Variants in SUPT3H observed in about 807,000 individuals in gnomAD.
The protein encoded by SUPT3H is SPT3 homolog, SAGA and STAGA complex component.
In SUPT3H, 44 loss-of-function variants were observed where a neutral mutation model predicts 44.3. That is an observed-to-expected ratio of 0.99 (90% CI 0.78 to 1.28). The LOEUF is 1.28. SUPT3H is among the 50% of genes most tolerant of loss of function. The pLI is 0.00. For synonymous variants in SUPT3H, 124 were observed against 125.6 expected (o/e 0.99, Z 0.09); for missense variants, 380 against 387.1 (o/e 0.98, Z 0.15).
chr6:45,028,766 T>C (rs895033219), intron 3 of SUPT3H, among the ~76,000 whole-genome samples: 3 of 151,932 alleles, frequency 2.0e-5, no homozygotes. Context: ...GTTTCTCTCC[T>C]AGATTTCTTA....
At chr6:45,158,199 T>TAGAG (rs1311755420) in intron 2 of SUPT3H, among the ~76,000 whole-genome samples, 6 of 101,660 alleles carry the variant, frequency 5.9e-5, no homozygotes, top group Non-Finnish European at 9.9e-5. Context: ...GTAGAAACCA[T>TAGAG]AGAGATAGAT....
At chr6:44,961,978 C>T in intron 6 of SUPT3H, 150 bp from the exon 7 acceptor site, 1 of 518,400 alleles carries the variant, frequency 1.9e-6, no homozygotes, top group Non-Finnish European at 3.4e-6. Context: ...TACATAAAAT[C>T]ACAATAACTA....
intron 2 of SUPT3H, among the ~76,000 whole-genome samples, chr6:45,119,605 T>C (rs1043018435): frequency 1.1e-4 from 16 of 152,158 alleles, no homozygotes; most frequent in Admixed American, 2.6e-4. Flanking sequence ...CACAAATTCA[T>C]GTGATTTGTG....
chr6:45,166,425 A>G (rs1008477603), intron 2 of SUPT3H, among the ~76,000 whole-genome samples: 2 of 148,454 alleles, frequency 1.3e-5, no homozygotes, highest in Non-Finnish European at 3.0e-5. Context: ...CGTCTCTACT[A>G]AAAAATACAA....
intron 11 of SUPT3H, among the ~76,000 whole-genome samples, chr6:44,811,550 A>G (rs959983953): frequency 1.3e-5 from 2 of 152,220 alleles, no homozygotes; most frequent in East Asian, 1.9e-4. Flanking sequence ...CAAAAGGGAA[A>G]TGTATGCAGA....
chr6:45,172,159 A>G (rs541055129), intron 2 of SUPT3H, among the ~76,000 whole-genome samples: 18 of 146,124 alleles, frequency 1.2e-4, no homozygotes, highest in Non-Finnish European at 1.8e-4. Context: ...TGCAACTTCC[A>G]TCTCCTGGGT....
chr6:45,100,392 C>T (rs1003373143), intron 3 of SUPT3H, among the ~76,000 whole-genome samples: 3 of 151,246 alleles, frequency 2.0e-5, no homozygotes, highest in African/African-American at 4.9e-5. Flanking sequence ...AAAAAATAGG[C>T]AAAAGAGCTG....
chr6:45,023,539 A>C (rs930626469), intron 3 of SUPT3H, among the ~76,000 whole-genome samples: 23 of 152,194 alleles, frequency 1.5e-4, no homozygotes, highest in Non-Finnish European at 2.9e-4. Flanking sequence ...AATGCCCATC[A>C]ATGACAGATT....
rs566835454 is a variant in SUPT3H at position 45,275,384 on chromosome 6, G to GA, written c.101+89816dup. 5.3e-5 allele frequency among the ~76,000 whole-genome samples: 8 copies of GA among 152,064 alleles called. 1 individual carries two copies. In the South Asian group the frequency reaches 1.7e-3, roughly 31 times the overall value. On this transcript the variant is annotated intron_variant, in intron 2 of 10. Transcript: ENST00000371459. ...TTACTTTACCATTTTTTTAGAAAAA[G>GA]AAAAAATCATTATGACATATTTCTA...
At chr6:45,114,180 G>A (rs918660363) in intron 2 of SUPT3H, among the ~76,000 whole-genome samples, 1 of 151,924 alleles carries the variant, frequency 6.6e-6, no homozygotes, top group Non-Finnish European at 1.5e-5. Context: ...ATACCTACAA[G>A]TATTAATCAC....
intron 2 of SUPT3H, among the ~76,000 whole-genome samples, chr6:45,263,210 A>G (rs1296893808): frequency 2.0e-5 from 3 of 152,172 alleles, no homozygotes; most frequent in East Asian, 1.9e-4. Flanking sequence ...AGGGTTCATA[A>G]CTGCAAAGAC....
At chr6:44,839,783 G>A (rs889780990) in intron 10 of SUPT3H, among the ~76,000 whole-genome samples, 2 of 151,146 alleles carry the variant, frequency 1.3e-5, no homozygotes, top group Admixed American at 1.3e-4. Context: ...CTCACTGCAA[G>A]CTCCACCTCC....
At chr6:45,233,412 C>T (rs766559044) in intron 2 of SUPT3H, among the ~76,000 whole-genome samples, 59 of 152,188 alleles carry the variant, frequency 3.9e-4, no homozygotes, top group Non-Finnish European at 1.0e-4. Context: ...AGTGAGCCAG[C>T]GTGAGTACCC....
At chr6:45,287,614 G>A (rs1242093783) in intron 2 of SUPT3H, among the ~76,000 whole-genome samples, 1 of 152,120 alleles carries the variant, frequency 6.6e-6, no homozygotes, top group Admixed American at 6.6e-5. Flanking sequence ...GGGAGGATGG[G>A]GGAAGGAGCA....
chr6:45,121,122 G>A (rs2153579269), intron 2 of SUPT3H, among the ~76,000 whole-genome samples: 1 of 152,184 alleles, frequency 6.6e-6, no homozygotes, highest in South Asian at 2.1e-4. Flanking sequence ...ACTGTTTCCA[G>A]AGAGTTTGAT....
chr6:45,118,681 G>A (rs749209806), intron 2 of SUPT3H, among the ~76,000 whole-genome samples: 3 of 152,032 alleles, frequency 2.0e-5, no homozygotes, highest in African/African-American at 2.4e-5. Context: ...AACTTAGTTC[G>A]AGGGGTACGA....
At chr6:45,149,441 T>C (rs1362610581) in intron 2 of SUPT3H, among the ~76,000 whole-genome samples, 1 of 152,180 alleles carries the variant, frequency 6.6e-6, no homozygotes, top group African/African-American at 2.4e-5. Flanking sequence ...GGAAATGGAA[T>C]CCCCTACTGG....
chr6:44,941,294 A>T (rs1243693583), intron 9 of SUPT3H, among the ~76,000 whole-genome samples: 3 of 151,482 alleles, frequency 2.0e-5, no homozygotes, highest in African/African-American at 4.9e-5. Flanking sequence ...CATGTTTAGG[A>T]CTCCTTTGAG....
intron 2 of SUPT3H, among the ~76,000 whole-genome samples, chr6:45,245,357 A>G (rs751859948): frequency 2.6e-5 from 4 of 152,144 alleles, no homozygotes; most frequent in Admixed American, 1.3e-4. Flanking sequence ...AAGTACATTC[A>G]CATTATTGAG....
Sources: allele counts gnomAD v4.1 joint callset (sites outside exome capture counted in the v4.1 genomes callset), GRCh38; gene constraint gnomAD v4.1.1; transcripts MANE v1.5; gene names NCBI Gene and HGNC (gene_info 2026-07-23, HGNC 2026-07-21).